Variants in CLN8 observed in about 807,000 individuals in gnomAD.
CLN8 encodes protein CLN8.
CLN8 carries 14 observed loss-of-function variants against 15.7 expected under a neutral mutation model. That is an observed-to-expected ratio of 0.89 (90% CI 0.59 to 1.39). The LOEUF is 1.39. CLN8 is among the 40% of genes most tolerant of loss of function. The pLI, the probability that CLN8 is intolerant of heterozygous loss-of-function variation, is 0.00. For synonymous variants in CLN8, 188 were observed against 151.0 expected (o/e 1.25, Z -1.80); for missense variants, 415 against 364.0 (o/e 1.14, Z -1.14).
chr8:1,780,908 C>T lies in CLN8; in HGVS notation c.*341C>T. On this transcript the variant is annotated 3_prime_UTR_variant, in exon 3 of 3. Transcript: ENST00000331222. Reference sequence around the variant, plus strand: ...CTGGAAATGGCTTCATAGTGAAGTGCCTCCCACAGGGCGGGTGGGTCAGCG... The same window carrying T: ...CTGGAAATGGCTTCATAGTGAAGTGTCTCCCACAGGGCGGGTGGGTCAGCG... 1 of 398,136 alleles carries T rather than the reference C, an allele frequency of 2.5e-6. No homozygotes were observed. The highest frequency in any genetic ancestry group is 4.6e-6 in the Non-Finnish European group (1 of 218,724). 24.7% of individuals were successfully genotyped at this position (398,136 alleles called of 1,614,324 possible). A position where few individuals can be genotyped will look rare whatever the true frequency, so the allele number is the denominator to read the frequency against.
Position 1,780,680 on chromosome 8 carries a change from T to A in CLN8, c.*113T>A. On this transcript the variant is annotated 3_prime_UTR_variant, in exon 3 of 3. Coordinates refer to ENST00000331222, the MANE Select transcript of CLN8 (RefSeq NM_018941.4). ...GCAGTGAATGTTTTGTGTTTACTTC[T>A]AAGGGAAATACTAACTTTCTTTCGC... 1 of 923,790 alleles carries A rather than the reference T, an allele frequency of 1.1e-6. No individual in the cohort carries two copies. 57.2% of individuals were successfully genotyped at this position (923,790 alleles called of 1,614,324 possible). A position where few individuals can be genotyped will look rare whatever the true frequency, so the allele number is the denominator to read the frequency against.
At chr8:1,774,375 A>T (rs971104838) in intron 2 of CLN8, among the ~76,000 whole-genome samples, 24 of 152,250 alleles carry the variant, frequency 1.6e-4, no homozygotes, top group African/African-American at 5.5e-4. Context: ...CAGGGCCAGT[A>T]TGTCTACATA....
intron 2 of CLN8, among the ~76,000 whole-genome samples, chr8:1,773,210 A>C (rs1230442089): frequency 6.6e-6 from 1 of 152,178 alleles, no homozygotes; most frequent in Admixed American, 6.5e-5. Flanking sequence ...CCATGGCCCC[A>C]GATGCGGACC....
At chr8:1,754,867 C>T (rs1461477009), upstream of CLN8, among the ~76,000 whole-genome samples, 1 of 152,226 alleles carries the variant, frequency 6.6e-6, no homozygotes, top group African/African-American at 2.4e-5. Flanking sequence ...TGGGGTCAAA[C>T]AGGCCATCTC....
intron 2 of CLN8, among the ~76,000 whole-genome samples, chr8:1,779,772 C>G (rs530544415): frequency 1.3e-5 from 2 of 152,312 alleles, no homozygotes; most frequent in East Asian, 1.9e-4. Context: ...GGGGAAGGCT[C>G]TGGTCTCTTT....
At chr8:1,755,441 TC>T (rs1800647931), upstream of CLN8, among the ~76,000 whole-genome samples, 1 of 151,994 alleles carries the variant, frequency 6.6e-6, no homozygotes, top group Admixed American at 6.5e-5. Context: ...CACAGACCCC[TC>T]CCCACCTTTG....
chr8:1,757,693 G>C (rs1800704462), intron 1 of CLN8, among the ~76,000 whole-genome samples: 1 of 152,078 alleles, frequency 6.6e-6, no homozygotes, highest in African/African-American at 2.4e-5. Flanking sequence ...CGGCCTCCCA[G>C]AGTGCTGGGA....
At position 1,763,967 on chromosome 8, in the gene CLN8, G is replaced by C. The variant is rs565890246; in HGVS notation, c.-124+82G>C. Reference sequence around the variant, plus strand: ...GTGAGCGCGCGGGGTGCCCGGGTTAGGGGCCGGGAACCCAGGTGAGGGGCA... The same window carrying C: ...GTGAGCGCGCGGGGTGCCCGGGTTACGGGCCGGGAACCCAGGTGAGGGGCA... On this transcript the variant is annotated intron_variant, in intron 1 of 2. Transcript: ENST00000331222. 14 of 115,544 alleles carry C rather than the reference G, an allele frequency of 1.2e-4. 1 individual carries two copies. The highest frequency in any genetic ancestry group is 4.3e-4 in the African/African-American group (14 of 32,754). 7.2% of individuals were successfully genotyped at this position (115,544 alleles called of 1,614,324 possible).
upstream of CLN8, among the ~76,000 whole-genome samples, chr8:1,754,983 G>A (rs1188634511): frequency 6.6e-6 from 1 of 152,182 alleles, no homozygotes; most frequent in Non-Finnish European, 1.5e-5. Context: ...TGACAGTGCT[G>A]CTGGTCTTGT....
In CLN8 at chr8:1,784,471, T is replaced by G. The variant is rs1801781688; in HGVS notation, c.*3904T>G. 6.6e-6 allele frequency: 1 copy of G among 151,912 alleles called. No individual in the cohort carries two copies. The highest frequency in any genetic ancestry group is 2.1e-4 in the South Asian group (1 of 4,806). 9.4% of individuals were successfully genotyped at this position (151,912 alleles called of 1,614,324 possible). On this transcript the variant is annotated 3_prime_UTR_variant, in exon 3 of 3. Coordinates refer to ENST00000331222, the MANE Select transcript of CLN8 (RefSeq NM_018941.4). ...TGAGGCATTAAGCCATTTGCAAGAG[T>G]AGGGGGCCCCACCTCTTAATACCAC...
intron 1 of CLN8, chr8:1,756,201 C>T (rs1003464761): frequency 2.6e-5 from 4 of 152,198 alleles, no homozygotes; most frequent in African/African-American, 7.2e-5. Flanking sequence ...CACTAAATTT[C>T]AGCCAGGCGC....
At chr8:1,763,385 GCCCGC>G (rs1308708313), upstream of CLN8, 2 of 42,610 alleles carry the variant, frequency 4.7e-5, no homozygotes, top group African/African-American at 1.7e-4. Flanking sequence ...GCCCCACAGC[GCCCGC>G]CGCGCCGCGC....
At chr8:1,754,151 G>A (rs1800614477), upstream of CLN8, among the ~76,000 whole-genome samples, 1 of 152,134 alleles carries the variant, frequency 6.6e-6, no homozygotes, top group South Asian at 2.1e-4. Context: ...ACTGCACATA[G>A]CCCTCTCCAG....
Position 1,780,401 on chromosome 8 carries a change from C to T in CLN8, c.695C>T (p.Thr232Ile). The change falls in exon 3 of 3, where the codon ACA becomes ATA. Residue 232 changes from threonine (T) to isoleucine (I), a missense_variant. Coordinates refer to ENST00000331222, the MANE Select transcript of CLN8 (RefSeq NM_018941.4). Reference sequence around the variant, plus strand: ...AGCAGCCTGTATCTGCCTCATTTGACACTGTTCCTTGTCGGACTGGCTCTG... The same window carrying T: ...AGCAGCCTGTATCTGCCTCATTTGATACTGTTCCTTGTCGGACTGGCTCTG... ...LVSSLYLPHL[T>I]LFLVGLALLT... The T allele has an allele frequency of 6.2e-7, 1 of 1,614,238 alleles. No individual in the cohort carries two copies. Among genetic ancestry groups the T allele is most frequent in the Non-Finnish European group, 8.5e-7 (1 of 1,180,040 alleles).
In CLN8 at chr8:1,779,961, G is replaced by A. The variant is rs974557667; in HGVS notation, c.544-289G>A. 10 of 985,312 alleles carry A rather than the reference G, an allele frequency of 1.0e-5. No homozygotes were observed. In the African/African-American group the frequency reaches 1.4e-4, roughly 14 times the overall value. The allele number at this position is 985,312 out of a possible 1,614,324, so 61.0% of individuals were successfully genotyped here. On this transcript the variant is annotated intron_variant, in intron 2 of 2. Coordinates refer to ENST00000331222, the MANE Select transcript of CLN8 (RefSeq NM_018941.4). ...AAGATTGAAGGGATACTGAAAGAAAGGTTGAATTTATCATAGCTTTAGGGA... is the reference window on the plus strand; with the variant it reads ...AAGATTGAAGGGATACTGAAAGAAAAGTTGAATTTATCATAGCTTTAGGGA...
In CLN8 at chr8:1,756,483, C is replaced by A. The variant is rs200088325; in HGVS notation, c.-124+401C>A. 8.0e-4 allele frequency among the ~76,000 whole-genome samples: 114 copies of A among 143,274 alleles called. 1 individual carries two copies. The highest frequency in any genetic ancestry group is 6.7e-4 in the Non-Finnish European group (44 of 65,514). 94.0% of individuals were successfully genotyped at this position (143,274 alleles called of 152,430 possible). On this transcript the variant is annotated intron_variant, in intron 1 of 1. Transcript: ENST00000524258. The stretch of plus-strand genomic sequence containing the variant: ...TGGGTGACAGAGTGAGAATCCATCT[C>A]AAAAAAAAAAAAAGAAATTTCACTA...
chr8:1,759,588 A>G (rs750846628), upstream of CLN8: 1 of 152,238 alleles, frequency 6.6e-6, no homozygotes, highest in Non-Finnish European at 1.5e-5. Flanking sequence ...GAAAGGGGAC[A>G]GGGGTCCAGG....
chr8:1,769,429 C>G (rs1190032027), intron 1 of CLN8, among the ~76,000 whole-genome samples: 1 of 152,116 alleles, frequency 6.6e-6, no homozygotes, highest in Non-Finnish European at 1.5e-5. Context: ...ATTCTGGGGT[C>G]TCTTCCGGAG....
At position 1,782,677 on chromosome 8, in the gene CLN8, G is replaced by T. The variant is rs554488671; in HGVS notation, c.*2110G>T. The T allele has an allele frequency of 1.3e-5, 2 of 152,350 alleles. No individual in the cohort carries two copies. The highest frequency in any genetic ancestry group is 1.3e-4 in the Admixed American group (2 of 15,302). 9.4% of individuals were successfully genotyped at this position (152,350 alleles called of 1,614,324 possible). A position where few individuals can be genotyped will look rare whatever the true frequency, so the allele number is the denominator to read the frequency against. ...TTCAGCCAGACAGAGGCATAATAAA[G>T]TGACTGATGTTTACAGAACCCAAAT... On this transcript the variant is annotated 3_prime_UTR_variant, in exon 3 of 3. Transcript: ENST00000331222.
Sources: gnomAD v4.1 joint callset for allele counts (sites outside exome capture counted in the v4.1 genomes callset) on GRCh38, gnomAD v4.1.1 for gene constraint, MANE v1.5 for transcripts, NCBI Gene and HGNC (gene_info 2026-07-23, HGNC 2026-07-21) for gene names.